The following DNAH8 variants were observed in gnomAD, a reference collection of about 807,000 sequenced individuals.
The protein encoded by DNAH8 is axonemal beta dynein heavy chain 8.
DNAH8 carries 382 observed loss-of-function variants against 562.1 expected under a neutral mutation model. The ratio of observed to expected loss-of-function variants is 0.68; its 90% CI spans 0.63 to 0.74. The LOEUF (loss-of-function observed/expected upper bound fraction) is 0.74, where lower values mean the gene tolerates loss of function less well. DNAH8 is among the 30% of genes least tolerant of loss of function. The pLI is 0.00. For missense variants in DNAH8, 5,203 were observed against 5,620.4 expected (o/e 0.93, Z 2.37); for synonymous variants, 1,881 against 1,919.4 (o/e 0.98, Z 0.52).
At chr6:38,831,446 A>G (rs946882197) in intron 30 of DNAH8, among the ~76,000 whole-genome samples, 5 of 151,540 alleles carry the variant, frequency 3.3e-5, no homozygotes, top group African/African-American at 9.7e-5. Flanking sequence ...AAAAAAAAAA[A>G]AAAAGAAAAA....
At chr6:38,979,637 G>T (rs1388790467) in intron 85 of DNAH8, among the ~76,000 whole-genome samples, 1 of 152,156 alleles carries the variant, frequency 6.6e-6, no homozygotes, top group Non-Finnish European at 1.5e-5. Context: ...AAAAGTAAAT[G>T]CTTTAGATGA....
At chr6:38,998,889 C>T (rs570513916) in intron 88 of DNAH8, among the ~76,000 whole-genome samples, 1 of 152,282 alleles carries the variant, frequency 6.6e-6, no homozygotes, top group South Asian at 2.1e-4. Flanking sequence ...TCCTGAAAGC[C>T]CTTGGGCTTT....
intron 53 of DNAH8, among the ~76,000 whole-genome samples, chr6:38,882,231 A>G (rs1327662124): frequency 6.6e-6 from 1 of 152,228 alleles, no homozygotes; most frequent in South Asian, 2.1e-4. Flanking sequence ...AAAGGAACGT[A>G]TATCATTCTA....
chr6:38,789,927 A>G, intron 19 of DNAH8, 44 bp downstream of exon 19: 1 of 1,460,454 alleles, frequency 6.8e-7, no homozygotes, highest in Non-Finnish European at 9.6e-7. Flanking sequence ...TGTTATTTAA[A>G]ATTAGATTTC....
intron 85 of DNAH8, among the ~76,000 whole-genome samples, chr6:38,978,573 T>C (rs1450227641): frequency 6.6e-6 from 1 of 152,230 alleles, no homozygotes; most frequent in Non-Finnish European, 1.5e-5. Context: ...TTTTACCTAG[T>C]AAAGTTTCCC....
At chr6:38,788,325 T>A (rs1769377207) in intron 18 of DNAH8, among the ~76,000 whole-genome samples, 1 of 152,156 alleles carries the variant, frequency 6.6e-6, no homozygotes, top group East Asian at 1.9e-4. Context: ...CTAATTTTTG[T>A]ATTTTTAGTA....
rs989242540 is a variant in DNAH8 at position 38,814,297 on chromosome 6, T to C, written c.3333+168T>C. On this transcript the variant is annotated intron_variant, in intron 25 of 92. Coordinates refer to ENST00000327475, the MANE Select transcript of DNAH8 (RefSeq NM_001206927.2). ...ATATCTGTTATGAAAAAGCTACTTC[T>C]GGGATGGGTGCAGTGGCTCACGCCT... Among the ~76,000 whole-genome samples the C allele has an allele frequency of 5.5e-4, 84 of 152,204 alleles. 4 individuals carry two copies. The highest frequency in any genetic ancestry group is 2.1e-4 in the Non-Finnish European group (14 of 68,036).
intron 23 of DNAH8, among the ~76,000 whole-genome samples, chr6:38,807,125 G>A (rs1028554780): frequency 6.6e-6 from 1 of 152,058 alleles, no homozygotes; most frequent in Admixed American, 6.6e-5. Flanking sequence ...GTGGAGAGAG[G>A]GTCAAACCGC....
chr6:38,959,813 T>G (rs1762490883), intron 82 of DNAH8, among the ~76,000 whole-genome samples: 1 of 151,224 alleles, frequency 6.6e-6, no homozygotes. Context: ...GCTAAAGCAG[T>G]CTTGAGCATT....
intron 19 of DNAH8, 145 bp downstream of exon 19, chr6:38,790,028 C>G: frequency 2.2e-6 from 1 of 462,218 alleles, no homozygotes; most frequent in Non-Finnish European, 3.6e-6. Context: ...TTTTTTTTTT[C>G]TGCAGAATTT....
chr6:38,761,589 C>A, intron 10 of DNAH8, 113 bp from the exon 11 acceptor site: 1 of 589,412 alleles, frequency 1.7e-6, no homozygotes, highest in Non-Finnish European at 2.6e-6. Context: ...AGCCACTGCA[C>A]TTGGCCCATA....
At chr6:38,985,286 G>A (rs781040199) in intron 87 of DNAH8, among the ~76,000 whole-genome samples, 6 of 152,180 alleles carry the variant, frequency 3.9e-5, no homozygotes, top group Admixed American at 1.3e-4. Flanking sequence ...TTTTAGGGAA[G>A]TAATATATAA....
chr6:38,991,024 C>G (rs1764749667), intron 88 of DNAH8, among the ~76,000 whole-genome samples: 1 of 152,208 alleles, frequency 6.6e-6, no homozygotes, highest in African/African-American at 2.4e-5. Context: ...GCATTCCTCT[C>G]TCCTAGTCCC....
intron 33 of DNAH8, 78 bp from the exon 34 acceptor site, chr6:38,842,290 G>A: frequency 8.4e-7 from 1 of 1,185,512 alleles, no homozygotes; most frequent in Non-Finnish European, 1.2e-6. Flanking sequence ...TATTTGATTG[G>A]ATGAACTCTG....
Position 38,886,844 on chromosome 6 carries a change from G to C in DNAH8, c.8313G>C (p.Leu2771Phe). 2 of 1,614,074 alleles carry C rather than the reference G, an allele frequency of 1.2e-6. No homozygotes were observed. Among genetic ancestry groups the C allele is most frequent in the Non-Finnish European group, 1.7e-6 (2 of 1,179,956 alleles). ...QMMEMEGMYS[L>F]DKPGDFTTIV... Reference sequence around the variant, plus strand: ...TGGAAATGGAAGGAATGTACAGCTTGGACAAGCCTGGAGACTTCACTACTA... The same window carrying C: ...TGGAAATGGAAGGAATGTACAGCTTCGACAAGCCTGGAGACTTCACTACTA... Residue 2771 changes from leucine (L) to phenylalanine (F), a missense_variant, in exon 57 of 93, where the codon TTG becomes TTC. Physicochemically the swap from Leu to Phe is conservative, Grantham distance 22. Coordinates refer to ENST00000327475, the MANE Select transcript of DNAH8 (RefSeq NM_001206927.2).
In DNAH8 at chr6:39,030,170, C is replaced by A. The variant is rs1444109643; in HGVS notation, c.13902C>A (p.Leu4634=). ...GAAWDRRNGK[L]MESTPKVLFT... ...CCTGGGACAGACGGAATGGGAAGCT[C>A]ATGGAATCCACCCCCAAGGTACTCT... The change falls in exon 93 of 93, where the codon CTC becomes CTA. Residue 4634 remains leucine, a synonymous_variant. Transcript: ENST00000327475. 1 of 1,614,102 alleles carries A rather than the reference C, an allele frequency of 6.2e-7. No individual in the cohort carries two copies. The highest frequency in any genetic ancestry group is 1.3e-5 in the African/African-American group (1 of 75,030).
intron 56 of DNAH8, 58 bp downstream of exon 56, chr6:38,884,056 T>TTA (rs2150469787): frequency 9.5e-7 from 1 of 1,052,616 alleles, no homozygotes; most frequent in South Asian, 3.4e-5. Context: ...TGTATATATA[T>TTA]TATATATATG....
chr6:38,929,815 CA>C (rs1328844669), intron 75 of DNAH8, 149 bp downstream of exon 75: 2 of 680,826 alleles, frequency 2.9e-6, no homozygotes, highest in Non-Finnish European at 4.4e-6. Flanking sequence ...TTCCTTTAGG[CA>C]GTAGTATTTG....
intron 4 of DNAH8, among the ~76,000 whole-genome samples, chr6:38,733,372 G>C (rs1303506773): frequency 6.6e-6 from 1 of 152,140 alleles, no homozygotes; most frequent in Non-Finnish European, 1.5e-5. Context: ...AGTTCAAGGA[G>C]GGATTTAATA....
Sources: allele counts gnomAD v4.1 joint callset (sites outside exome capture counted in the v4.1 genomes callset), GRCh38; gene constraint gnomAD v4.1.1; transcripts MANE v1.5; gene names NCBI Gene and HGNC (gene_info 2026-07-23, HGNC 2026-07-21).